Variants in TMEM132B observed in about 807,000 individuals in gnomAD.
TMEM132B encodes the protein transmembrane protein 132B.
In TMEM132B, 18 loss-of-function variants were observed where a neutral mutation model predicts 90.8. That is an observed-to-expected ratio of 0.20 (90% confidence interval 0.14 to 0.29). The LOEUF is 0.29. TMEM132B is among the 10% of genes least tolerant of loss of function. TMEM132B has a pLI of 1.00. For missense variants in TMEM132B, 1,096 were observed against 1,326.8 expected (o/e 0.83, Z 2.70); for synonymous variants, 504 against 523.3 (o/e 0.96, Z 0.50).
chr12:125,446,168 T>A (rs1351385433), intron 3 of TMEM132B, among the ~76,000 whole-genome samples: 1 of 152,244 alleles, frequency 6.6e-6, no homozygotes, highest in Admixed American at 6.5e-5. Context: ...TTTTAAATTT[T>A]TTTTTCTTGT....
At chr12:125,586,832 A>G (rs1184486046) in intron 5 of TMEM132B, 2 of 152,320 alleles carry the variant, frequency 1.3e-5, no homozygotes, top group African/African-American at 2.4e-5. Flanking sequence ...TTTAAGTGAA[A>G]AGGTGAGAGT....
At position 125,368,882 on chromosome 12, in the gene TMEM132B, T is replaced by A. The variant is rs112094648; in HGVS notation, c.959+18539T>A. Among the ~76,000 whole-genome samples the A allele has an allele frequency of 2.9e-3, 438 of 152,342 alleles. 1 individual carries two copies. Among genetic ancestry groups the A allele is most frequent in the Admixed American group, 5.2e-3 (80 of 15,314 alleles). On this transcript the variant is annotated intron_variant, in intron 2 of 8. Coordinates refer to ENST00000682704, the MANE Select transcript of TMEM132B (RefSeq NM_001366854.1). ...GGTGTTGTTCCTGTCATGATTTTTT[T>A]AAATTATACTTTAAGTTCTATGGTA...
intron 3 of TMEM132B, among the ~76,000 whole-genome samples, chr12:125,425,268 G>A (rs527633045): frequency 6.6e-6 from 1 of 152,138 alleles, no homozygotes; most frequent in Admixed American, 6.5e-5. Flanking sequence ...CTTGTACAAA[G>A]AATTTTCAAT....
chr12:125,320,737 T>C (rs1229055147), intron 1 of TMEM132B, among the ~76,000 whole-genome samples: 3 of 152,130 alleles, frequency 2.0e-5, no homozygotes, highest in South Asian at 2.1e-4. Flanking sequence ...CCACGCACCA[T>C]AGGGACAAGG....
chr12:125,357,103 G>C (rs1311644000), intron 2 of TMEM132B, among the ~76,000 whole-genome samples: 1 of 152,084 alleles, frequency 6.6e-6, no homozygotes, highest in Non-Finnish European at 1.5e-5. Flanking sequence ...ATGTATCCTA[G>C]GTATTGTGAG....
At chr12:125,204,327 T>C (rs113165633) in intron 1 of TMEM132B, among the ~76,000 whole-genome samples, 43 of 122,596 alleles carry the variant, frequency 3.5e-4, no homozygotes, top group Admixed American at 8.4e-4. Flanking sequence ...GCAGGGTGCT[T>C]AGCCCTTTGT....
At chr12:125,423,133 C>T (rs968902649) in intron 3 of TMEM132B, among the ~76,000 whole-genome samples, 2 of 152,164 alleles carry the variant, frequency 1.3e-5, no homozygotes, top group East Asian at 3.8e-4. Context: ...TTTTAATGTG[C>T]AGCCCGGGCT....
At chr12:125,220,827 C>T (rs1053057609) in intron 1 of TMEM132B, among the ~76,000 whole-genome samples, 1 of 152,344 alleles carries the variant, frequency 6.6e-6, no homozygotes, top group Non-Finnish European at 1.5e-5. Flanking sequence ...TTCCACGGCT[C>T]CCAGCTCGCT....
chr12:125,476,114 C>A (rs1266632838), intron 3 of TMEM132B, among the ~76,000 whole-genome samples: 2 of 152,058 alleles, frequency 1.3e-5, no homozygotes, highest in African/African-American at 4.8e-5. Context: ...TCTGTTTGTT[C>A]TAAAAATGGA....
chr12:125,267,928 G>T (rs1000941184), intron 1 of TMEM132B, among the ~76,000 whole-genome samples: 2 of 152,112 alleles, frequency 1.3e-5, no homozygotes, highest in Non-Finnish European at 2.9e-5. Flanking sequence ...TGGACCTTTG[G>T]TTGGTGCTCT....
chr12:125,455,803 G>T (rs1305474374), intron 3 of TMEM132B, among the ~76,000 whole-genome samples: 3 of 152,060 alleles, frequency 2.0e-5, no homozygotes, highest in African/African-American at 7.3e-5. Context: ...AGTTGTAAGT[G>T]GAAGTTGTTG....
intron 1 of TMEM132B, among the ~76,000 whole-genome samples, chr12:125,229,024 G>A (rs1046906063): frequency 3.3e-5 from 5 of 152,190 alleles, no homozygotes; most frequent in South Asian, 2.1e-4. Flanking sequence ...CTATGGTGCC[G>A]CGGGCGAGGG....
chr12:125,245,353 C>T lies in TMEM132B; in HGVS notation c.67+58487C>T, dbSNP rs1056289597. 1.4e-3 allele frequency among the ~76,000 whole-genome samples: 209 copies of T among 151,538 alleles called. 1 individual carries two copies. The highest frequency in any genetic ancestry group is 2.5e-3 in the East Asian group (13 of 5,114). On this transcript the variant is annotated intron_variant, in intron 1 of 8. Transcript: ENST00000682704. Reference sequence around the variant, plus strand: ...ATGCCTGCCAGGAAAAGACCCCCCGCAACCAGGCAACTCTTGCCCCTCCCG... The same window carrying T: ...ATGCCTGCCAGGAAAAGACCCCCCGTAACCAGGCAACTCTTGCCCCTCCCG...
At chr12:125,599,855 A>G (rs1479422491) in intron 5 of TMEM132B, among the ~76,000 whole-genome samples, 2 of 152,152 alleles carry the variant, frequency 1.3e-5, no homozygotes, top group African/African-American at 4.8e-5. Context: ...GAGTGGGGAA[A>G]ACTTACTTTT....
At chr12:125,278,939 G>C (rs535007681) in intron 1 of TMEM132B, among the ~76,000 whole-genome samples, 2 of 152,184 alleles carry the variant, frequency 1.3e-5, no homozygotes, top group African/African-American at 4.8e-5. Flanking sequence ...GTAACCCAGC[G>C]AGGGAAGATC....
At chr12:125,207,934 C>G (rs901971262) in intron 1 of TMEM132B, among the ~76,000 whole-genome samples, 3 of 152,204 alleles carry the variant, frequency 2.0e-5, no homozygotes, top group Admixed American at 2.0e-4. Context: ...CACTAGGGAA[C>G]TGAATTTTTC....
At chr12:125,215,902 C>T (rs1873427961) in intron 1 of TMEM132B, among the ~76,000 whole-genome samples, 1 of 152,230 alleles carries the variant, frequency 6.6e-6, no homozygotes, top group East Asian at 1.9e-4. Context: ...ATCTCCCCAG[C>T]TCAAGAGCCT....
chr12:125,386,131 G>A (rs190872202), intron 2 of TMEM132B, among the ~76,000 whole-genome samples: 4 of 152,114 alleles, frequency 2.6e-5, no homozygotes, highest in Admixed American at 2.0e-4. Context: ...GGGACTACAG[G>A]TGCTCACCAC....
Position 125,350,029 on chromosome 12 carries a change from C to G in TMEM132B, c.645C>G (p.Leu215=), listed in dbSNP as rs759255431. Residue 215 remains leucine (L), a synonymous_variant, in exon 2 of 9, where the codon CTC becomes CTG. Transcript: ENST00000682704. ...LEPEEEIPAL[L]GGTTMELFFT... Reference sequence around the variant, plus strand: ...CAGAGGAGGAGATCCCAGCCCTGCTCGGGGGCACCACGATGGAGCTCTTCT... The same window carrying G: ...CAGAGGAGGAGATCCCAGCCCTGCTGGGGGGCACCACGATGGAGCTCTTCT... 5.0e-6 allele frequency: 8 copies of G among 1,614,176 alleles called. No homozygotes were observed. The highest frequency in any genetic ancestry group is 5.9e-6 in the Non-Finnish European group (7 of 1,180,030).
Sources: allele counts gnomAD v4.1 joint callset (sites outside exome capture counted in the v4.1 genomes callset), GRCh38; gene constraint gnomAD v4.1.1; transcripts MANE v1.5; gene names NCBI Gene and HGNC (gene_info 2026-07-23, HGNC 2026-07-21).